SRSF11: variants seen among roughly 807,000 people sequenced by gnomAD.
The protein encoded by SRSF11 is serine/arginine-rich splicing factor 11.
A neutral mutation model predicts 56.0 loss-of-function variants in SRSF11; 9 were observed. The ratio of observed to expected loss-of-function variants is 0.16; its 90% confidence interval spans 0.10 to 0.28. SRSF11 has a LOEUF of 0.28. Among genes scored for constraint, SRSF11 ranks in the 10% least tolerant of loss-of-function variants. SRSF11 has a pLI of 1.00. For missense variants in SRSF11, 421 were observed against 600.7 expected (o/e 0.70, Z 3.13); for synonymous variants, 222 against 215.3 (o/e 1.03, Z -0.27).
Position 70,250,614 on chromosome 1 carries a change from A to G in SRSF11, c.1264A>G (p.Thr422Ala). 6.2e-7 allele frequency: 1 copy of G among 1,613,662 alleles called. No individual in the cohort carries two copies. The highest frequency in any genetic ancestry group is 1.7e-5 in the Admixed American group (1 of 59,928). Residue 422 changes from threonine (T) to alanine (A), a missense_variant, in exon 12 of 12, where the codon ACA becomes GCA. Around this residue, in one of 2 missense-constraint regions of SRSF11, gnomAD observed 253 missense variants for 305.8 expected, o/e 0.83. Transcript: ENST00000370949. ...ATTATTCTCCTTGGCAAAGCAGGTT[A>G]CACGGGATTATGATGAAGAGGAACA... ...SESDKDVKQV[T>A]RDYDEEEQGY...
chr1:70,246,470 G>C (rs956497877), intron 8 of SRSF11, among the ~76,000 whole-genome samples: 5 of 152,036 alleles, frequency 3.3e-5, no homozygotes, highest in African/African-American at 1.2e-4. Context: ...GAGGTGGGTT[G>C]GGAAAGTGGT....
intron 8 of SRSF11, among the ~76,000 whole-genome samples, chr1:70,245,468 A>T (rs1676537963): frequency 6.6e-6 from 1 of 152,214 alleles, no homozygotes; most frequent in Admixed American, 6.5e-5. Flanking sequence ...TATGTGCTGC[A>T]GAGTGAATCA....
At chr1:70,242,154 A>G (rs1675580890) in intron 7 of SRSF11, among the ~76,000 whole-genome samples, 2 of 142,842 alleles carry the variant, frequency 1.4e-5, no homozygotes, top group South Asian at 4.6e-4. Flanking sequence ...GGTGACAGCG[A>G]GACTCCGTCT....
chr1:70,244,017 C>G (rs1192839396), intron 7 of SRSF11, among the ~76,000 whole-genome samples: 2 of 151,984 alleles, frequency 1.3e-5, no homozygotes, highest in East Asian at 1.9e-4. Flanking sequence ...AGTAGAGAAA[C>G]AGATATGTCA....
chr1:70,239,916 A>G (rs994773834), intron 7 of SRSF11, among the ~76,000 whole-genome samples: 4 of 152,166 alleles, frequency 2.6e-5, no homozygotes, highest in African/African-American at 7.2e-5. Context: ...GCTCACAACA[A>G]TGGAGTCATT....
At position 70,237,459 on chromosome 1, in the gene SRSF11, A is replaced by C; in HGVS notation, c.625A>C (p.Ser209Arg). ...TGTAGCTGCTGGTCTCGTTTCACCA[A>C]GTCTGAAATCGGATACCTCTAGTAA... ...NHVAAGLVSP[S>R]LKSDTSSKEI... The change falls in exon 6 of 12, where the codon AGT (serine) becomes CGT (arginine). Residue 209 changes from serine (S) to arginine (R), a missense_variant. Physicochemically the swap from Ser to Arg is moderately radical, Grantham distance 110. Transcript: ENST00000370949. The C allele has an allele frequency of 6.2e-7, 1 of 1,613,888 alleles. No homozygotes were observed. Among genetic ancestry groups the C allele is most frequent in the Non-Finnish European group, 8.5e-7 (1 of 1,179,994 alleles).
At chr1:70,241,357 ATT>A (rs1008273589) in intron 7 of SRSF11, among the ~76,000 whole-genome samples, 1 of 151,738 alleles carries the variant, frequency 6.6e-6, no homozygotes, top group African/African-American at 2.4e-5. Flanking sequence ...TTTTAATATC[ATT>A]TTCTTATTTT....
At chr1:70,235,404 G>C (rs1673748741) in intron 4 of SRSF11, 97 bp from the exon 5 acceptor site, 5 of 992,662 alleles carry the variant, frequency 5.0e-6, no homozygotes, top group Non-Finnish European at 7.6e-6. Flanking sequence ...ATGGCATGTA[G>C]TCTGCATGGA....
upstream of SRSF11, among the ~76,000 whole-genome samples, chr1:70,217,369 G>T (rs1282488780): frequency 6.6e-6 from 1 of 152,080 alleles, no homozygotes; most frequent in Admixed American, 6.6e-5. Context: ...TGTTGGTCAG[G>T]TTGGTCTCAA....
intron 7 of SRSF11, among the ~76,000 whole-genome samples, chr1:70,240,467 A>T (rs993018275): frequency 2.0e-5 from 3 of 152,178 alleles, no homozygotes; most frequent in Non-Finnish European, 4.4e-5. Flanking sequence ...CACAGTGGAA[A>T]AGGCAATAAT....
intron 1 of SRSF11, among the ~76,000 whole-genome samples, chr1:70,216,063 G>A (rs745543718): frequency 2.6e-5 from 4 of 152,190 alleles, no homozygotes; most frequent in Non-Finnish European, 5.9e-5. Flanking sequence ...TGGGATTACA[G>A]GCGTGAGCCA....
At chr1:70,216,545 C>G (rs1051748930), upstream of SRSF11, among the ~76,000 whole-genome samples, 1 of 151,846 alleles carries the variant, frequency 6.6e-6, no homozygotes, top group Non-Finnish European at 1.5e-5. Context: ...TGATCCTCCA[C>G]TTCAGCCTCC....
intron 7 of SRSF11, 26 bp downstream of exon 7, chr1:70,239,546 A>G: frequency 6.7e-7 from 1 of 1,482,752 alleles, no homozygotes; most frequent in Non-Finnish European, 9.2e-7. Context: ...AGTCAATTAT[A>G]CCTTAGACAA....
In SRSF11 at chr1:70,221,570, C is replaced by T. The variant is rs1670631789; in HGVS notation, c.-67C>T. 2.0e-6 allele frequency: 3 copies of T among 1,536,118 alleles called. No homozygotes were observed. Among genetic ancestry groups the T allele is most frequent in the South Asian group, 2.5e-5 (2 of 78,612 alleles). On this transcript the variant is annotated 5_prime_UTR_variant, in exon 1 of 12. Transcript: ENST00000370949. ...CTCTCCCGCAATCCGGTTCCTCTTC[C>T]CCCTCCTTCTCACTGTTTGTTGTGT...
chr1:70,217,135 TTG>T (rs1355575892), upstream of SRSF11, among the ~76,000 whole-genome samples: 1 of 152,068 alleles, frequency 6.6e-6, no homozygotes, highest in South Asian at 2.1e-4. Flanking sequence ...GTGGGGTTTT[TTG>T]TGTTTTTTTT....
intron 2 of SRSF11, chr1:70,232,044 C>T: frequency 6.6e-7 from 1 of 1,524,042 alleles, no homozygotes; most frequent in Non-Finnish European, 8.8e-7. Context: ...ACTCTAGAAA[C>T]TTAACCATTT....
intron 3 of SRSF11, 143 bp downstream of exon 3, chr1:70,232,520 A>C (rs938755497): frequency 1.6e-6 from 1 of 623,694 alleles, no homozygotes; most frequent in Non-Finnish European, 2.8e-6. Context: ...CACAAATAGT[A>C]TAGAAGATCT....
intron 2 of SRSF11, 30 bp from the exon 3 acceptor site, chr1:70,232,236 ATG>A (rs1558183436): frequency 1.2e-6 from 2 of 1,614,172 alleles, no homozygotes; most frequent in Admixed American, 1.7e-5. Flanking sequence ...TTAGAAAAGA[ATG>A]TGTTCTAATG....
rs532180578 is a variant in SRSF11 at position 70,221,483 on chromosome 1, ACGGCGG to A, written c.-140_-135del. On this transcript the variant is annotated 5_prime_UTR_variant, in exon 1 of 12. Coordinates refer to ENST00000370949, the MANE Select transcript of SRSF11 (RefSeq NM_001350605.2). ...CCGCGGCGTGCGGCGGGGCGGAGAA[ACGGCGG>A]CGGCGGCGGCGGCATCGGCAGCAGT... 14 of 1,126,422 alleles carry A rather than the reference ACGGCGG, an allele frequency of 1.2e-5. No individual in the cohort carries two copies. The highest frequency in any genetic ancestry group is 3.2e-5 in the African/African-American group (2 of 62,798). 69.8% of individuals were successfully genotyped at this position (1,126,422 alleles called of 1,614,324 possible).
Sources: gnomAD v4.1 joint callset for allele counts (sites outside exome capture counted in the v4.1 genomes callset) on GRCh38, gnomAD v4.1.1 for gene constraint, gnomAD v4.1.1 regional missense constraint, MANE v1.5 for transcripts, NCBI Gene and HGNC (gene_info 2026-07-23, HGNC 2026-07-21) for gene names.